Variants in SMYD3 observed in about 807,000 individuals in gnomAD.
SMYD3 encodes histone-lysine N-methyltransferase SMYD3.
In SMYD3, 36 loss-of-function variants were observed where a neutral mutation model predicts 57.7. The ratio of observed to expected loss-of-function variants is 0.62; its 90% CI spans 0.48 to 0.82. The LOEUF (loss-of-function observed/expected upper bound fraction) is 0.82. SMYD3 is among the 40% of genes least tolerant of loss of function. The pLI, the probability that SMYD3 is intolerant of heterozygous loss-of-function variation, is 0.00. For missense variants in SMYD3, 515 were observed against 538.8 expected (o/e 0.96, Z 0.44); for synonymous variants, 211 against 195.0 (o/e 1.08, Z -0.68).
intron 1 of SMYD3, among the ~76,000 whole-genome samples, chr1:246,446,497 A>G (rs1216411054): frequency 6.6e-6 from 1 of 152,206 alleles, no homozygotes; most frequent in Non-Finnish European, 1.5e-5. Context: ...TCTCTAATAA[A>G]TGGAACCTCC....
chr1:245,831,428 C>T (rs1361059315), intron 10 of SMYD3, among the ~76,000 whole-genome samples: 1 of 152,188 alleles, frequency 6.6e-6, no homozygotes, highest in Admixed American at 6.5e-5. Context: ...CGGGGTAAAC[C>T]AGGTACCTGG....
chr1:245,815,777 G>A (rs2048771463), intron 10 of SMYD3, among the ~76,000 whole-genome samples: 1 of 152,226 alleles, frequency 6.6e-6, no homozygotes, highest in Admixed American at 6.5e-5. Context: ...CTAAGAGACA[G>A]AAATGAAAAT....
intron 1 of SMYD3, among the ~76,000 whole-genome samples, chr1:246,447,163 A>G (rs1209731778): frequency 6.6e-6 from 1 of 152,216 alleles, no homozygotes; most frequent in Non-Finnish European, 1.5e-5. Flanking sequence ...TTAAAATGTT[A>G]AATGTATTGT....
At chr1:246,407,835 G>A (rs895276009) in intron 1 of SMYD3, among the ~76,000 whole-genome samples, 7 of 138,382 alleles carry the variant, frequency 5.1e-5, no homozygotes, top group African/African-American at 7.7e-5. Context: ...GCAAGACTCC[G>A]TCTCAAAATA....
chr1:245,854,123 G>A (rs544202759), intron 10 of SMYD3, among the ~76,000 whole-genome samples: 1 of 152,214 alleles, frequency 6.6e-6, no homozygotes, highest in African/African-American at 2.4e-5. Context: ...CCTATAATGT[G>A]GGCTTTGATG....
chr1:246,002,613 C>T (rs113541271), intron 5 of SMYD3, among the ~76,000 whole-genome samples: 2 of 127,808 alleles, frequency 1.6e-5, no homozygotes, highest in Non-Finnish European at 1.7e-5. Context: ...CCACCACGCC[C>T]GGCTAATTTT....
intron 5 of SMYD3, among the ~76,000 whole-genome samples, chr1:246,307,970 G>C (rs2065015757): frequency 6.6e-6 from 1 of 152,082 alleles, no homozygotes; most frequent in African/African-American, 2.4e-5. Flanking sequence ...TAAATTCTAG[G>C]AAGTCAGCAC....
chr1:245,944,933 T>C (rs992523876), intron 5 of SMYD3, among the ~76,000 whole-genome samples: 6 of 152,140 alleles, frequency 3.9e-5, no homozygotes, highest in African/African-American at 1.4e-4. Context: ...TGGCTAGCCA[T>C]ATGCAGAAAA....
chr1:246,170,687 G>A (rs961042788), intron 5 of SMYD3, among the ~76,000 whole-genome samples: 1 of 151,962 alleles, frequency 6.6e-6, no homozygotes, highest in Non-Finnish European at 1.5e-5. Flanking sequence ...TTTGTCAAAT[G>A]GCATTTCACT....
At chr1:246,372,538 A>G (rs1441663449) in intron 1 of SMYD3, among the ~76,000 whole-genome samples, 1 of 152,224 alleles carries the variant, frequency 6.6e-6, no homozygotes, top group African/African-American at 2.4e-5. Flanking sequence ...TTTTAGGAAT[A>G]GAGATTTTGC....
chr1:246,256,804 A>G (rs2063903001), intron 5 of SMYD3, among the ~76,000 whole-genome samples: 2 of 152,164 alleles, frequency 1.3e-5, no homozygotes, highest in African/African-American at 2.4e-5. Context: ...GTAGGTATTT[A>G]GCACTATAAA....
At chr1:246,016,269 G>A (rs1191316318) in intron 5 of SMYD3, among the ~76,000 whole-genome samples, 2 of 151,538 alleles carry the variant, frequency 1.3e-5, no homozygotes, top group Non-Finnish European at 2.9e-5. Flanking sequence ...TAGTAAAAGG[G>A]AAAGGAAACA....
chr1:246,166,463 T>C (rs1170243548), intron 5 of SMYD3, among the ~76,000 whole-genome samples: 1 of 152,154 alleles, frequency 6.6e-6, no homozygotes, highest in Admixed American at 6.5e-5. Context: ...GAAAAAGCAT[T>C]TTAGCTGTTG....
At chr1:245,852,971 C>G (rs886156444) in intron 10 of SMYD3, among the ~76,000 whole-genome samples, 1 of 152,072 alleles carries the variant, frequency 6.6e-6, no homozygotes, top group African/African-American at 2.4e-5. Context: ...AGTCTTGTAT[C>G]GAGGGTCTTC....
intron 7 of SMYD3, among the ~76,000 whole-genome samples, chr1:245,918,533 C>A (rs2055618595): frequency 6.6e-6 from 1 of 152,220 alleles, no homozygotes; most frequent in Non-Finnish European, 1.5e-5. Context: ...TCTCTTGCTT[C>A]ATGATCTGAA....
intron 11 of SMYD3, 71 bp from the exon 12 acceptor site, chr1:245,749,735 C>CCTGG: frequency 8.2e-7 from 1 of 1,219,090 alleles, no homozygotes. Flanking sequence ...CACCTTTACC[C>CCTGG]CATGATGCCA....
In SMYD3 at chr1:246,300,463, C is replaced by T. The variant is rs117464669; in HGVS notation, c.531+26738G>A. On this transcript the variant is annotated intron_variant, in intron 5 of 11. Transcript: ENST00000490107. Reference sequence around the variant, plus strand: ...ACCCAAAATTGCCTTCTTAGGTGTACGGGTGAGGAAAGCGGCCAGCAATGT... The same window carrying T: ...ACCCAAAATTGCCTTCTTAGGTGTATGGGTGAGGAAAGCGGCCAGCAATGT... 4.5e-4 allele frequency among the ~76,000 whole-genome samples: 68 copies of T among 152,174 alleles called. 1 individual carries two copies. The East Asian group carries it at 0.011, about 24-fold the overall frequency.
intron 8 of SMYD3, among the ~76,000 whole-genome samples, chr1:245,913,469 A>G (rs2055165919): frequency 6.6e-6 from 1 of 152,078 alleles, no homozygotes; most frequent in Admixed American, 6.6e-5. Context: ...TATGTAACAA[A>G]CCTGCACGTT....
chr1:246,267,904 A>G (rs1240557841), intron 5 of SMYD3, among the ~76,000 whole-genome samples: 2 of 152,190 alleles, frequency 1.3e-5, no homozygotes, highest in African/African-American at 4.8e-5. Context: ...TGTTCTGTCA[A>G]TCCCTAAAGA....
Sources: gnomAD v4.1 joint callset for allele counts (sites outside exome capture counted in the v4.1 genomes callset) on GRCh38, gnomAD v4.1.1 for gene constraint, MANE v1.5 for transcripts, NCBI Gene and HGNC (gene_info 2026-07-23, HGNC 2026-07-21) for gene names.